Variants in CCDC63 observed in about 807,000 individuals in gnomAD.
CCDC63 encodes the protein coiled-coil domain containing 63.
In CCDC63, 54 loss-of-function variants were observed where a neutral mutation model predicts 63.6. That is an observed-to-expected ratio of 0.85 (90% CI 0.68 to 1.07). The LOEUF is 1.07. Ranked by LOEUF, CCDC63 falls within the 50% of genes least tolerant of loss-of-function variation. The pLI, the probability that CCDC63 is intolerant of heterozygous loss-of-function variation, is 0.00. For synonymous variants in CCDC63, 253 were observed against 266.1 expected (o/e 0.95, Z 0.48); for missense variants, 637 against 689.6 (o/e 0.92, Z 0.86).
chr12:110,869,459 G>A (rs571587765), intron 4 of CCDC63, among the ~76,000 whole-genome samples: 1 of 152,258 alleles, frequency 6.6e-6, no homozygotes, highest in South Asian at 2.1e-4. Context: ...TACTAGTCTT[G>A]AAGGGCACTC....
chr12:110,883,329 C>A (rs952095845), intron 7 of CCDC63, among the ~76,000 whole-genome samples: 1 of 152,170 alleles, frequency 6.6e-6, no homozygotes, highest in African/African-American at 2.4e-5. Flanking sequence ...AGCCACTGCA[C>A]CCGGCCTAAT....
chr12:110,895,379 T>G (rs1450861646), intron 9 of CCDC63, among the ~76,000 whole-genome samples: 1 of 152,238 alleles, frequency 6.6e-6, no homozygotes, highest in Non-Finnish European at 1.5e-5. Context: ...CCTCCCAAAG[T>G]GCTGGGATTA....
At position 110,847,655 on chromosome 12, in the gene CCDC63, A is replaced by C. The variant is rs578188596; in HGVS notation, c.-97+550A>C. On this transcript the variant is annotated intron_variant, in intron 1 of 11. Transcript: ENST00000308208. ...AAAACAAACAAACAAAAAACAAGAA[A>C]AACAACAACAACAACAAAAAACTGT... 1.9e-4 allele frequency among the ~76,000 whole-genome samples: 29 copies of C among 152,260 alleles called. No individual in the cohort carries two copies. In the South Asian group the frequency reaches 5.8e-3, roughly 30 times the overall value.
At chr12:110,898,765 CTATTT>C (rs1364533570) in intron 9 of CCDC63, among the ~76,000 whole-genome samples, 163 bp from the exon 10 acceptor site, 7 of 151,952 alleles carry the variant, frequency 4.6e-5, no homozygotes, top group Non-Finnish European at 8.8e-5. Flanking sequence ...CATTGCTATT[CTATTT>C]TATTTTATTT....
intron 4 of CCDC63, among the ~76,000 whole-genome samples, chr12:110,867,649 G>T (rs2070986068): frequency 7.8e-6 from 1 of 128,398 alleles, no homozygotes; most frequent in African/African-American, 3.0e-5. Flanking sequence ...AGTAGGGGCG[G>T]CCGGGCAGAG....
At chr12:110,901,293 A>G (rs1024368001) in intron 10 of CCDC63, among the ~76,000 whole-genome samples, 2 of 151,436 alleles carry the variant, frequency 1.3e-5, no homozygotes, top group African/African-American at 4.9e-5. Flanking sequence ...ATTCAATTAT[A>G]CTCTTTTAGT....
rs564714557 is a variant in CCDC63, at chr12:110,858,990, C to T, written c.369+215C>T. On this transcript the variant is annotated intron_variant, in intron 4 of 11. Transcript: ENST00000308208. ...CAGCCATACCAATCCATCCCTCCGC[C>T]GTGCTCCCCAGTGCCACCTGCTGCA... Among the ~76,000 whole-genome samples the T allele has an allele frequency of 5.9e-5, 9 of 152,310 alleles. No homozygotes were observed. The South Asian group carries it at 1.7e-3, about 28-fold the overall frequency.
chr12:110,877,531 A>T (rs531859120), intron 5 of CCDC63, among the ~76,000 whole-genome samples: 66 of 150,550 alleles, frequency 4.4e-4, no homozygotes, highest in Admixed American at 3.2e-3. Context: ...AATACAGTAC[A>T]ATTAGAGTCC....
intron 1 of CCDC63, among the ~76,000 whole-genome samples, chr12:110,847,412 G>A (rs2070651245): frequency 6.6e-6 from 1 of 151,882 alleles, no homozygotes; most frequent in African/African-American, 2.4e-5. Context: ...AAACTTAGCC[G>A]GGCGTGGTGG....
At chr12:110,900,087 A>G (rs7305904) in intron 10 of CCDC63, among the ~76,000 whole-genome samples, 58,126 of 151,660 alleles carry the variant, frequency 0.38, 11,848 homozygotes, top group African/African-American at 0.52. Flanking sequence ...GGTGGTGTAC[A>G]CTGTAGTCCC....
intron 5 of CCDC63, among the ~76,000 whole-genome samples, chr12:110,876,950 G>T (rs368895209): frequency 2.9e-4 from 44 of 151,872 alleles, no homozygotes; most frequent in African/African-American, 1.1e-3. Context: ...AGGCTGAGGT[G>T]GGAGGATCAC....
intron 5 of CCDC63, among the ~76,000 whole-genome samples, chr12:110,876,190 C>T (rs1379826723): frequency 1.3e-5 from 2 of 151,904 alleles, no homozygotes; most frequent in Non-Finnish European, 2.9e-5. Context: ...AAATATCCTC[C>T]ACCTACTCAG....
chr12:110,851,569 A>G (rs1292597102), intron 1 of CCDC63, among the ~76,000 whole-genome samples: 1 of 152,146 alleles, frequency 6.6e-6, no homozygotes, highest in Non-Finnish European at 1.5e-5. Context: ...TCTCCCATCC[A>G]GAGTCGGATG....
chr12:110,904,474 C>T (rs147402383), intron 10 of CCDC63, 114 bp from the exon 11 acceptor site: 17 of 842,880 alleles, frequency 2.0e-5, no homozygotes, highest in South Asian at 9.5e-5. Context: ...GCCCAGATCC[C>T]GCACCTCCTG....
At chr12:110,893,515 T>C (rs1445514963) in intron 9 of CCDC63, among the ~76,000 whole-genome samples, 1 of 152,198 alleles carries the variant, frequency 6.6e-6, no homozygotes, top group Non-Finnish European at 1.5e-5. Context: ...GCCTGTGCCC[T>C]GTTCTCAATC....
Position 110,907,221 on chromosome 12 carries a change from A to G in CCDC63, c.1547-110A>G. 1 of 1,049,448 alleles carries G rather than the reference A, an allele frequency of 9.5e-7. No homozygotes were observed. The highest frequency in any genetic ancestry group is 1.3e-6 in the Non-Finnish European group (1 of 741,536). 65.0% of individuals were successfully genotyped at this position (1,049,448 alleles called of 1,614,324 possible). A position where few individuals can be genotyped will look rare whatever the true frequency, so the allele number is the denominator to read the frequency against. On this transcript the variant is annotated intron_variant, in intron 11 of 11. Transcript: ENST00000308208. The surrounding 1 kb of genome is among the most constrained non-coding windows in gnomAD (Gnocchi z 4.4). ...TCATTCTCCCCCTCCTTGAAACCTG[A>G]GAATTTCCATGCTCCACTCCCCAGT...
At chr12:110,893,786 T>G (rs1188919293) in intron 9 of CCDC63, among the ~76,000 whole-genome samples, 1 of 152,166 alleles carries the variant, frequency 6.6e-6, no homozygotes, top group Non-Finnish European at 1.5e-5. Context: ...TACAAGTTTA[T>G]TTACTTTAAG....
chr12:110,884,376 C>A, intron 8 of CCDC63, 126 bp downstream of exon 8: 1 of 683,902 alleles, frequency 1.5e-6, no homozygotes, highest in Non-Finnish European at 2.6e-6. Context: ...CCGCTCTATT[C>A]CCCTTACATT....
rs186839942 is a variant in CCDC63, at chr12:110,854,476, G to T, written c.179+902G>T. 8.6e-5 allele frequency among the ~76,000 whole-genome samples: 13 copies of T among 151,838 alleles called. No individual in the cohort carries two copies. In the East Asian group the frequency reaches 2.3e-3, roughly 27 times the overall value. On this transcript the variant is annotated intron_variant, in intron 3 of 11. Coordinates refer to ENST00000308208, the MANE Select transcript of CCDC63 (RefSeq NM_152591.3). Reference sequence around the variant, plus strand: ...TGCCTGGCTAATTTTTGTATTTTTAGTAGAGGCAAGATTTCACCACGTTGG... The same window carrying T: ...TGCCTGGCTAATTTTTGTATTTTTATTAGAGGCAAGATTTCACCACGTTGG...
Sources: gnomAD v4.1 joint callset for allele counts (sites outside exome capture counted in the v4.1 genomes callset) on GRCh38, gnomAD v4.1.1 for gene constraint, Gnocchi (gnomAD v3.1) non-coding constraint, MANE v1.5 for transcripts, NCBI Gene and HGNC (gene_info 2026-07-23, HGNC 2026-07-21) for gene names.